MACF1: variants seen among roughly 807,000 people sequenced by gnomAD.
MACF1 encodes the protein microtubule actin crosslinking factor 1.
Under a neutral mutation model 854.8 loss-of-function variants are expected in MACF1, and 193 were observed. The ratio of observed to expected loss-of-function variants is 0.23; its 90% confidence interval spans 0.20 to 0.25. MACF1 has a LOEUF of 0.25. Among genes scored for constraint, MACF1 ranks in the 10% least tolerant of loss-of-function variants. The pLI, the probability that MACF1 is intolerant of heterozygous loss-of-function variation, is 1.00. For missense variants in MACF1, 7,722 were observed against 8,929.1 expected, an observed-to-expected ratio of 0.86 and a Z score of 5.45; for synonymous variants, 3,185 against 3,226.7, an observed-to-expected ratio of 0.99 and a Z score of 0.44.
chr1:39,182,148 C>G (rs1258984430), intron 2 of MACF1, among the ~76,000 whole-genome samples: 3 of 143,124 alleles, frequency 2.1e-5, no homozygotes, highest in Non-Finnish European at 4.5e-5. Flanking sequence ...AAGACTCCAC[C>G]TTAAAAAAAA....
intron 55 of MACF1, among the ~76,000 whole-genome samples, chr1:39,380,636 G>A (rs1352650592): frequency 1.3e-5 from 2 of 152,192 alleles, no homozygotes; most frequent in African/African-American, 4.8e-5. Flanking sequence ...GCCAGGAACA[G>A]TGCCTCACAC....
chr1:39,345,038 C>T (rs1647014906), intron 40 of MACF1, among the ~76,000 whole-genome samples: 2 of 152,130 alleles, frequency 1.3e-5, no homozygotes, highest in African/African-American at 2.4e-5. Flanking sequence ...CCTACTGTAA[C>T]ATTATGATAA....
At chr1:39,422,253 T>C in intron 58 of MACF1, 121 bp from the exon 59 acceptor site, 2 of 721,594 alleles carry the variant, frequency 2.8e-6, no homozygotes, top group Non-Finnish European at 4.5e-6. Context: ...GCTTGTTCTT[T>C]CTTTTTATTC....
chr1:39,447,468 T>C lies in MACF1; in HGVS notation c.19642T>C (p.Phe6548Leu), dbSNP rs1282633126. The C allele has an allele frequency of 1.2e-6, 2 of 1,614,070 alleles. No individual in the cohort carries two copies. Among genetic ancestry groups the C allele is most frequent in the Admixed American group, 3.3e-5 (2 of 60,008 alleles). ...AGAGGCCCTCAACTTGGCAACAGAA[T>C]TCCAGAATTCCCTACAAGAATTTAT... ...LEEALNLATE[F>L]QNSLQEFINW... The change falls in exon 81 of 101, where the codon TTC (phenylalanine) becomes CTC (leucine). Residue 6548 changes from phenylalanine (F) to leucine (L), a missense_variant. By Grantham distance (22) the Phe-to-Leu change is conservative (BLOSUM62 0). This residue lies in a region of MACF1 where 729 missense variants were observed against 900.5 expected (regional missense o/e 0.81). Transcript: ENST00000564288.
At chr1:39,100,109 G>GT (rs1642031810) in intron 2 of MACF1, among the ~76,000 whole-genome samples, 1 of 152,142 alleles carries the variant, frequency 6.6e-6, no homozygotes, top group African/African-American at 2.4e-5. Context: ...CTAGCTGCTG[G>GT]TGGGTTAATT....
intron 20 of MACF1, among the ~76,000 whole-genome samples, chr1:39,296,531 A>G (rs111797516): frequency 0.16 from 24,335 of 151,714 alleles, 2,428 homozygotes; most frequent in Middle Eastern, 0.22. Context: ...GGAGTTCAAG[A>G]CCAGCCTGGC....
At chr1:39,425,483 C>T (rs555310871) in intron 61 of MACF1, among the ~76,000 whole-genome samples, 25 of 152,276 alleles carry the variant, frequency 1.6e-4, no homozygotes, top group Admixed American at 5.2e-4. Context: ...CACTGCCTGC[C>T]GTGCTAAGAA....
At chr1:39,378,545 T>C in intron 53 of MACF1, 22 bp downstream of exon 53, 1 of 1,609,826 alleles carries the variant, frequency 6.2e-7, no homozygotes, top group Non-Finnish European at 8.5e-7. Flanking sequence ...ATTTCAACAG[T>C]GCTTCTTTGT....
chr1:39,174,484 CT>C (rs1044480586), intron 2 of MACF1, among the ~76,000 whole-genome samples: 3 of 150,680 alleles, frequency 2.0e-5, no homozygotes, highest in South Asian at 2.1e-4. Flanking sequence ...AAAGTCAGGG[CT>C]TTTTTTTTAT....
At chr1:39,369,406 C>T (rs1222570019) in intron 50 of MACF1, among the ~76,000 whole-genome samples, 1 of 152,156 alleles carries the variant, frequency 6.6e-6, no homozygotes, top group Non-Finnish European at 1.5e-5. Context: ...TTATTAGCAG[C>T]AGGTTATCTA....
intron 49 of MACF1, among the ~76,000 whole-genome samples, chr1:39,364,245 A>G (rs1461580440): frequency 2.0e-5 from 3 of 151,942 alleles, no homozygotes; most frequent in Non-Finnish European, 4.4e-5. Context: ...TGTGGTTTTA[A>G]TTTTTATTTC....
At chr1:39,412,459 G>T (rs768083567) in intron 58 of MACF1, 1 of 1,614,022 alleles carries the variant, frequency 6.2e-7, no homozygotes. Flanking sequence ...CACACTTTTG[G>T]AGGATCAAGC....
chr1:39,155,609 A>G (rs527796122), intron 2 of MACF1, among the ~76,000 whole-genome samples: 1 of 152,232 alleles, frequency 6.6e-6, no homozygotes, highest in Non-Finnish European at 1.5e-5. Flanking sequence ...CTCCACTTGT[A>G]AACAAAAGTT....
intron 52 of MACF1, among the ~76,000 whole-genome samples, chr1:39,375,382 A>G (rs1331233872): frequency 2.6e-5 from 4 of 151,708 alleles, no homozygotes; most frequent in Non-Finnish European, 4.4e-5. Flanking sequence ...GCTCACTGCA[A>G]GCTCCATCTC....
chr1:39,291,178 T>C (rs1453672903), intron 15 of MACF1, among the ~76,000 whole-genome samples: 2 of 151,984 alleles, frequency 1.3e-5, no homozygotes, highest in African/African-American at 4.8e-5. Context: ...GGTTTCACCA[T>C]GTTGGCCAGG....
At position 39,379,402 on chromosome 1, in the gene MACF1, A is replaced by C. The variant is rs1233413625; in HGVS notation, c.13476A>C (p.Pro4492=). Reference sequence around the variant, plus strand: ...AATCCATGGATGCCATGTCATCTCCAACCAAGACAGAAACAGTGAAAGCCC... The same window carrying C: ...AATCCATGGATGCCATGTCATCTCCCACCAAGACAGAAACAGTGAAAGCCC... ...VLKSMDAMSS[P]TKTETVKAQA... The change falls in exon 54 of 101, where the codon CCA becomes CCC. Residue 4492 remains proline (P), a synonymous_variant. Transcript: ENST00000564288. The C allele has an allele frequency of 6.2e-7, 1 of 1,614,040 alleles. No individual in the cohort carries two copies. Among genetic ancestry groups the C allele is most frequent in the African/African-American group, 1.3e-5 (1 of 74,930 alleles).
At chr1:39,318,045 C>A (rs549719004) in intron 29 of MACF1, among the ~76,000 whole-genome samples, 1 of 152,314 alleles carries the variant, frequency 6.6e-6, no homozygotes, top group African/African-American at 2.4e-5. Flanking sequence ...CTTCTCTCCC[C>A]TCTCTCCTTG....
chr1:39,437,814 A>G lies in MACF1; in HGVS notation c.18026A>G (p.Glu6009Gly). The G allele has an allele frequency of 1.9e-6, 3 of 1,614,124 alleles. No homozygotes were observed. The highest frequency in any genetic ancestry group is 2.5e-6 in the Non-Finnish European group (3 of 1,179,996). ...ATTGAGCCTATGTTGGAGACACTGG[A>G]GAATCTTTCCTCTCGCCTGCGTATG... ...DKIEPMLETL[E>G]NLSSRLRMPP... is the part of the protein sequence containing the mutation. Residue 6009 changes from glutamate to glycine, a missense_variant, in exon 71 of 101, where the codon GAG becomes GGG. This residue lies in a region of MACF1 where 2,807 missense variants were observed against 3,235.8 expected (regional missense o/e 0.87). Transcript: ENST00000564288.
rs541108457 is a variant in MACF1, at chr1:39,334,583, A to C, written c.7995A>C (p.Thr2665=). 1.7e-4 allele frequency: 281 copies of C among 1,614,160 alleles called. No individual in the cohort carries two copies. In the East Asian group the frequency reaches 5.3e-3, roughly 30 times the overall value. The change falls in exon 37 of 101, where the codon ACA becomes ACC. Residue 2665 remains threonine (T), a synonymous_variant. Coordinates refer to ENST00000564288, the MANE Select transcript of MACF1 (RefSeq NM_001394062.1). ...IKDGVSDKVL[T]LSQAIQLGKV... is the part of the protein sequence containing the mutation. The stretch of plus-strand genomic sequence containing the variant: ...ATGGGGTGAGCGACAAAGTGCTTAC[A>C]TTGTCTCAAGCAATTCAGCTTGGAA...
Sources: gnomAD v4.1 joint callset for allele counts (sites outside exome capture counted in the v4.1 genomes callset) on GRCh38, gnomAD v4.1.1 for gene constraint, gnomAD v4.1.1 regional missense constraint, MANE v1.5 for transcripts, NCBI Gene and HGNC (gene_info 2026-07-23, HGNC 2026-07-21) for gene names.